The following CTNNA3 variants were observed in gnomAD, a reference collection of about 807,000 sequenced individuals.
The protein encoded by CTNNA3 is catenin alpha-3.
Under a neutral mutation model 95.7 loss-of-function variants are expected in CTNNA3, and 76 were observed. The observed-to-expected ratio is 0.79, with a 90% confidence interval of 0.66 to 0.96. CTNNA3 has a LOEUF of 0.96. Among genes scored for constraint, CTNNA3 ranks in the 40% least tolerant of loss-of-function variants. The pLI, the probability that CTNNA3 is intolerant of heterozygous loss-of-function variation, is 0.00. For missense variants in CTNNA3, 1,191 were observed against 1,089.8 expected, an observed-to-expected ratio of 1.09 and a Z score of -1.31; for synonymous variants, 431 against 374.4, an observed-to-expected ratio of 1.15 and a Z score of -1.74.
At chr10:66,315,299 G>A (rs933645072) in intron 12 of CTNNA3, among the ~76,000 whole-genome samples, 1 of 151,970 alleles carries the variant, frequency 6.6e-6, no homozygotes, top group Non-Finnish European at 1.5e-5. Context: ...AATAATGACA[G>A]CTGACTGATA....
intron 13 of CTNNA3, among the ~76,000 whole-genome samples, chr10:66,255,052 A>G (rs1056360855): frequency 6.6e-6 from 1 of 152,228 alleles, no homozygotes; most frequent in Non-Finnish European, 1.5e-5. Context: ...GGAAATGAGC[A>G]GCAGCAAAAT....
At chr10:66,269,716 C>A (rs970092289) in intron 13 of CTNNA3, among the ~76,000 whole-genome samples, 9 of 152,150 alleles carry the variant, frequency 5.9e-5, no homozygotes, top group African/African-American at 2.2e-4. Context: ...CACTCCGGCA[C>A]ATTCCACAAA....
chr10:66,799,964 T>C (rs1266077044), intron 7 of CTNNA3, among the ~76,000 whole-genome samples: 2 of 150,612 alleles, frequency 1.3e-5, no homozygotes, highest in Non-Finnish European at 3.0e-5. Flanking sequence ...AAGAATTCAA[T>C]GGCCAGAGAA....
chr10:66,692,918 A>AT (rs1387183094), intron 9 of CTNNA3, among the ~76,000 whole-genome samples: 1 of 152,132 alleles, frequency 6.6e-6, no homozygotes, highest in Non-Finnish European at 1.5e-5. Flanking sequence ...ATGCTGAGAG[A>AT]TTTTGTCACC....
At chr10:66,337,574 T>C (rs1258513417) in intron 12 of CTNNA3, among the ~76,000 whole-genome samples, 1 of 152,102 alleles carries the variant, frequency 6.6e-6, no homozygotes, top group Non-Finnish European at 1.5e-5. Flanking sequence ...CGTTCAAACT[T>C]CAGATTCTTA....
chr10:67,695,044 T>C (rs774505982), intron 1 of CTNNA3, among the ~76,000 whole-genome samples: 10 of 152,174 alleles, frequency 6.6e-5, no homozygotes, highest in Non-Finnish European at 1.3e-4. Flanking sequence ...CACTCAAATA[T>C]GCCATTCAAA....
At chr10:67,440,967 G>A (rs750925449) in intron 5 of CTNNA3, among the ~76,000 whole-genome samples, 2 of 151,616 alleles carry the variant, frequency 1.3e-5, no homozygotes, top group Non-Finnish European at 2.9e-5. Flanking sequence ...AGGCACCAGG[G>A]ACCAATACTG....
rs114359724 is a variant in CTNNA3, at chr10:67,282,010, G to A, written c.580-62140C>T. Among the ~76,000 whole-genome samples, 420 of 152,176 alleles carry A rather than the reference G, an allele frequency of 2.8e-3. 2 individuals are homozygous for A. The highest frequency in any genetic ancestry group is 9.6e-3 in the African/African-American group (398 of 41,542). ...AACGCAGAGAGAGTTGCCAATCATT[G>A]TGGCCAATAGAAAACTGTGAAGTTT... On this transcript the variant is annotated intron_variant, in intron 5 of 17. Coordinates refer to ENST00000433211, the MANE Select transcript of CTNNA3 (RefSeq NM_013266.4).
At chr10:67,312,288 G>T (rs957150252) in intron 5 of CTNNA3, among the ~76,000 whole-genome samples, 9 of 152,088 alleles carry the variant, frequency 5.9e-5, no homozygotes, top group Non-Finnish European at 1.3e-4. Context: ...GGCCAGGCTG[G>T]TCTTGAACTC....
intron 7 of CTNNA3, among the ~76,000 whole-genome samples, chr10:67,126,935 GT>G (rs960876325): frequency 9.2e-5 from 14 of 152,104 alleles, no homozygotes; most frequent in African/African-American, 2.9e-4. Context: ...TTTTGTTTTT[GT>G]TTTTTTCTTC....
rs115765499 is a variant in CTNNA3 at position 66,239,749 on chromosome 10, C to T, written c.1884+40721G>A. Among the ~76,000 whole-genome samples, 472 of 151,876 alleles carry T rather than the reference C, an allele frequency of 3.1e-3. 3 individuals carry two copies. Among genetic ancestry groups the T allele is most frequent in the African/African-American group, 0.011 (448 of 41,482 alleles). On this transcript the variant is annotated intron_variant, in intron 13 of 17. Coordinates refer to ENST00000433211, the MANE Select transcript of CTNNA3 (RefSeq NM_013266.4). ...TTTTTCGTATTCTCTTTCAACTATG[C>T]GCATTGTTTGGGACAAGACATGTTG...
intron 2 of CTNNA3, among the ~76,000 whole-genome samples, chr10:67,640,637 G>A (rs1371591430): frequency 5.3e-5 from 8 of 152,058 alleles, no homozygotes; most frequent in East Asian, 1.9e-4. Context: ...AAACAGCATG[G>A]TACTGGTACC....
intron 7 of CTNNA3, among the ~76,000 whole-genome samples, chr10:67,162,448 C>T (rs560743473): frequency 2.0e-5 from 3 of 151,702 alleles, no homozygotes; most frequent in Non-Finnish European, 4.4e-5. Flanking sequence ...TCTCTGCGCA[C>T]AATCAAATCA....
chr10:66,373,016 T>C (rs892800182), intron 12 of CTNNA3, among the ~76,000 whole-genome samples: 4 of 152,150 alleles, frequency 2.6e-5, no homozygotes, highest in African/African-American at 9.7e-5. Flanking sequence ...GATTCTTTAA[T>C]ATCCACTCTT....
chr10:67,721,388 C>T (rs575674631), intron 1 of CTNNA3, among the ~76,000 whole-genome samples: 14 of 151,968 alleles, frequency 9.2e-5, no homozygotes, highest in Non-Finnish European at 1.3e-4. Context: ...CTTGTCTTCA[C>T]GCTTTATTTC....
At chr10:67,748,736 C>A (rs1457848703) in intron 1 of CTNNA3, among the ~76,000 whole-genome samples, 1 of 152,182 alleles carries the variant, frequency 6.6e-6, no homozygotes, top group Non-Finnish European at 1.5e-5. Context: ...ATTACACGAT[C>A]AAATTCACAC....
At chr10:66,175,603 C>G (rs1356456693) in intron 13 of CTNNA3, among the ~76,000 whole-genome samples, 1 of 152,070 alleles carries the variant, frequency 6.6e-6, no homozygotes, top group Non-Finnish European at 1.5e-5. Flanking sequence ...GGTGGAAACA[C>G]CAGCTATTGG....
At chr10:66,825,182 T>C (rs967778285) in intron 7 of CTNNA3, among the ~76,000 whole-genome samples, 66 of 148,716 alleles carry the variant, frequency 4.4e-4, no homozygotes, top group African/African-American at 1.5e-3. Flanking sequence ...TAAAATAGCA[T>C]ATATTTTTTA....
At chr10:67,580,536 T>C (rs551344072) in intron 3 of CTNNA3, among the ~76,000 whole-genome samples, 3 of 151,982 alleles carry the variant, frequency 2.0e-5, no homozygotes, top group Admixed American at 6.5e-5. Flanking sequence ...GTCTTGGCGA[T>C]GCGGGCTCTT....
Sources: allele counts gnomAD v4.1 joint callset (sites outside exome capture counted in the v4.1 genomes callset), GRCh38; gene constraint gnomAD v4.1.1; transcripts MANE v1.5; gene names NCBI Gene and HGNC (gene_info 2026-07-23, HGNC 2026-07-21).